CEP44: variants seen among roughly 807,000 people sequenced by gnomAD.
The protein encoded by CEP44 is centrosomal protein of 44 kDa.
Under a neutral mutation model 46.7 loss-of-function variants are expected in CEP44, and 45 were observed. That is an observed-to-expected ratio of 0.96 (90% CI 0.76 to 1.24). The LOEUF (loss-of-function observed/expected upper bound fraction) is 1.24, where lower values mean the gene tolerates loss of function less well. Among genes scored for constraint, CEP44 ranks in the 50% most tolerant of loss-of-function variants. The pLI, the probability that CEP44 is intolerant of heterozygous loss-of-function variation, is 0.00. For missense variants in CEP44, 475 were observed against 459.7 expected, an observed-to-expected ratio of 1.03 and a Z score of -0.30; for synonymous variants, 142 against 146.0, an observed-to-expected ratio of 0.97 and a Z score of 0.20.
rs747965740 is a variant in CEP44 at position 174,301,508 on chromosome 4, G to A, written c.90-531G>A. 6.6e-6 allele frequency among the ~76,000 whole-genome samples: 1 copy of A among 152,116 alleles called. No individual in the cohort carries two copies. Among genetic ancestry groups the A allele is most frequent in the Non-Finnish European group, 1.5e-5 (1 of 67,996 alleles). ...TTTCTAGACTGGTGGAATTAACATA[G>A]GTAATAATATACGATTTAGAAGGAG... On this transcript the variant is annotated intron_variant, in intron 3 of 11. Transcript: ENST00000503780. This position sits in a 1 kb window ranked among gnomAD's most constrained non-coding sequence, Gnocchi z 4.3.
downstream of CEP44, chr4:174,320,332 C>G: frequency 2.1e-6 from 2 of 972,592 alleles, no homozygotes; most frequent in Non-Finnish European, 1.2e-6. Flanking sequence ...AACGTTGGGA[C>G]TTTGTTTCAT....
rs70947423 is a variant in CEP44 at position 174,297,651 on chromosome 4, A to AGT, written c.-147-282_-147-281dup. Among the ~76,000 whole-genome samples the AGT allele has an allele frequency of 0.069, 10,296 of 148,976 alleles. 479 individuals are homozygous for AGT. The highest frequency in any genetic ancestry group is 0.16 in the Admixed American group (2,399 of 14,998). ...CTGAGATATAGGAAGAAACTTTATTAGTGTGTGTGTGTGTGTGTGTGTGTG... is the reference window on the plus strand; with the variant it reads ...CTGAGATATAGGAAGAAACTTTATTAGTGTGTGTGTGTGTGTGTGTGTGTGTG... On this transcript the variant is annotated intron_variant, in intron 1 of 11. Transcript: ENST00000503780. The surrounding 1 kb of genome is among the most constrained non-coding windows in gnomAD (Gnocchi z 4.3).
At chr4:174,330,051 AAC>A (rs1327390024) in intron 8 of CEP44, among the ~76,000 whole-genome samples, 1 of 152,238 alleles carries the variant, frequency 6.6e-6, no homozygotes, top group Non-Finnish European at 1.5e-5. Context: ...TGTTCAAAGT[AAC>A]ACACATTCAT....
chr4:174,323,326 C>G (rs775737635), downstream of CEP44, among the ~76,000 whole-genome samples: 1 of 152,058 alleles, frequency 6.6e-6, no homozygotes, highest in African/African-American at 2.4e-5. Context: ...GTTTCTGCAT[C>G]AGCGTTTATT....
chr4:174,285,140 T>G (rs1373748446), intron 1 of CEP44, among the ~76,000 whole-genome samples: 1 of 152,264 alleles, frequency 6.6e-6, no homozygotes, highest in African/African-American at 2.4e-5. Flanking sequence ...GAATCTATGC[T>G]GCAAGCTGAG....
chr4:174,301,971 T>A lies in CEP44; in HGVS notation c.90-68T>A, dbSNP rs776195487. 1.2e-4 allele frequency: 163 copies of A among 1,349,340 alleles called. No homozygotes were observed. Among genetic ancestry groups the A allele is most frequent in the Non-Finnish European group, 1.6e-4 (161 of 987,170 alleles). The allele number at this position is 1,349,340 out of a possible 1,614,324, so 83.6% of individuals were successfully genotyped here. On this transcript the variant is annotated intron_variant, in intron 3 of 11. Coordinates refer to ENST00000503780, the MANE Select transcript of CEP44 (RefSeq NM_001040157.3). The surrounding 1 kb of genome is among the most constrained non-coding windows in gnomAD (Gnocchi z 4.3). ...ATAAACATTTCTAATATTTTCTTGATTATCCAACTTTGTGGAATTATGCTT... is the reference window on the plus strand; with the variant it reads ...ATAAACATTTCTAATATTTTCTTGAATATCCAACTTTGTGGAATTATGCTT...
chr4:174,297,655 T>TGTGC lies in CEP44; in HGVS notation c.-147-308_-147-307insCGTG, dbSNP rs1225718596. ...GATATAGGAAGAAACTTTATTAGTG[T>TGTGC]GTGTGTGTGTGTGTGTGTGTGTGTG... On this transcript the variant is annotated intron_variant, in intron 1 of 11. Coordinates refer to ENST00000503780, the MANE Select transcript of CEP44 (RefSeq NM_001040157.3). The surrounding 1 kb of genome is among the most constrained non-coding windows in gnomAD (Gnocchi z 4.3). 1.5e-4 allele frequency among the ~76,000 whole-genome samples: 8 copies of TGTGC among 53,588 alleles called. No homozygotes were observed. Among genetic ancestry groups the TGTGC allele is most frequent in the African/African-American group, 4.3e-4 (8 of 18,556 alleles). 35.2% of individuals were successfully genotyped at this position (53,588 alleles called of 152,430 possible).
chr4:174,284,793 A>G (rs1737380680), intron 1 of CEP44, among the ~76,000 whole-genome samples: 1 of 152,156 alleles, frequency 6.6e-6, no homozygotes. Flanking sequence ...TTGCAGTTTC[A>G]TAAACTGTTT....
At chr4:174,317,154 A>G (rs1741826490) in intron 11 of CEP44, among the ~76,000 whole-genome samples, 181 bp from the exon 12 acceptor site, 1 of 152,066 alleles carries the variant, frequency 6.6e-6, no homozygotes, top group Admixed American at 6.6e-5. Flanking sequence ...AATATGACTC[A>G]TAATCGACTC....
At chr4:174,328,813 A>T (rs1033524584) in intron 8 of CEP44, among the ~76,000 whole-genome samples, 3 of 152,246 alleles carry the variant, frequency 2.0e-5, no homozygotes, top group African/African-American at 7.2e-5. Context: ...ATTATGCTTA[A>T]CTTTTCAAGC....
intron 6 of CEP44, among the ~76,000 whole-genome samples, chr4:174,305,254 G>A (rs1432753891): frequency 6.6e-6 from 1 of 152,114 alleles, no homozygotes; most frequent in Non-Finnish European, 1.5e-5. Flanking sequence ...AGGAGTTTGA[G>A]ACCAGCCTGA....
At chr4:174,322,735 A>T (rs1305591950), downstream of CEP44, among the ~76,000 whole-genome samples, 1 of 152,178 alleles carries the variant, frequency 6.6e-6, no homozygotes, top group African/African-American at 2.4e-5. Context: ...ATTATGATAG[A>T]ATTCAAATTT....
chr4:174,302,487 AATTAT>A lies in CEP44; in HGVS notation c.237+305_237+309del, dbSNP rs371004209. Among the ~76,000 whole-genome samples the A allele has an allele frequency of 2.6e-5, 4 of 152,248 alleles. No homozygotes were observed. In the South Asian group the frequency reaches 6.2e-4, roughly 24 times the overall value. ...ACTGGCAGAAATTAGAGAGTAATGTAATTATATTCAATAAAACTTACAGTTTTTTA... is the reference window on the plus strand; with the variant it reads ...ACTGGCAGAAATTAGAGAGTAATGTAATTCAATAAAACTTACAGTTTTTTA... On this transcript the variant is annotated intron_variant, in intron 4 of 11. Transcript: ENST00000503780.
At position 174,301,631 on chromosome 4, in the gene CEP44, C is replaced by T. The variant is rs1204915280; in HGVS notation, c.90-408C>T. Among the ~76,000 whole-genome samples the T allele has an allele frequency of 6.6e-6, 1 of 152,112 alleles. No individual in the cohort carries two copies. The highest frequency in any genetic ancestry group is 2.4e-5 in the African/African-American group (1 of 41,430). On this transcript the variant is annotated intron_variant, in intron 3 of 11. Coordinates refer to ENST00000503780, the MANE Select transcript of CEP44 (RefSeq NM_001040157.3). The surrounding 1 kb of genome is among the most constrained non-coding windows in gnomAD (Gnocchi z 4.3). ...TGTAACTTAGAATTCATAATATTTA[C>T]CTTTGGAAGTTTGTGGTAGAGAGCA...
At chr4:174,330,188 T>G (rs1235452396) in intron 8 of CEP44, among the ~76,000 whole-genome samples, 1 of 152,140 alleles carries the variant, frequency 6.6e-6, no homozygotes, top group Non-Finnish European at 1.5e-5. Context: ...AGATTTTGTG[T>G]TTATTAAAAA....
In CEP44 at chr4:174,310,956, T is replaced by C; in HGVS notation, c.961+98T>C. 1.6e-6 allele frequency: 1 copy of C among 612,500 alleles called. No homozygotes were observed. Among genetic ancestry groups the C allele is most frequent in the Non-Finnish European group, 2.8e-6 (1 of 355,188 alleles). 37.9% of individuals were successfully genotyped at this position (612,500 alleles called of 1,614,324 possible). A position where few individuals can be genotyped will look rare whatever the true frequency, so the allele number is the denominator to read the frequency against. On this transcript the variant is annotated intron_variant, in intron 9 of 11. Coordinates refer to ENST00000503780, the MANE Select transcript of CEP44 (RefSeq NM_001040157.3). The surrounding 1 kb of genome is among the most constrained non-coding windows in gnomAD (Gnocchi z 4.2). ...TTCTTAAGCTTTATTGTTTAGAAAT[T>C]GCAAAGCTCCTAGAACAAAGAACAT...
downstream of CEP44, among the ~76,000 whole-genome samples, chr4:174,321,819 A>C (rs1189411788): frequency 6.6e-6 from 1 of 152,178 alleles, no homozygotes; most frequent in Non-Finnish European, 1.5e-5. Flanking sequence ...TGAAGGAGTA[A>C]AAAAAGCATC....
chr4:174,285,356 C>G (rs1737463719), intron 1 of CEP44: 1 of 152,098 alleles, frequency 6.6e-6, no homozygotes, highest in African/African-American at 2.4e-5. Context: ...AGAGCAGTAG[C>G]TGTAATTTTA....
intron 6 of CEP44, among the ~76,000 whole-genome samples, chr4:174,304,650 T>G (rs936423052): frequency 6.6e-6 from 1 of 152,246 alleles, no homozygotes; most frequent in African/African-American, 2.4e-5. Context: ...GATTATCTTA[T>G]GCAGTTATCT....
Sources: gnomAD v4.1 joint callset for allele counts (sites outside exome capture counted in the v4.1 genomes callset) on GRCh38, gnomAD v4.1.1 for gene constraint, Gnocchi (gnomAD v3.1) non-coding constraint, MANE v1.5 for transcripts, NCBI Gene and HGNC (gene_info 2026-07-23, HGNC 2026-07-21) for gene names.